EEPD1: variants seen among roughly 807,000 people sequenced by gnomAD.
EEPD1 encodes endonuclease/exonuclease/phosphatase family domain-containing protein 1.
Under a neutral mutation model 46.3 loss-of-function variants are expected in EEPD1, and 17 were observed. That is an observed-to-expected ratio of 0.37 (90% CI 0.25 to 0.55). The LOEUF is 0.55. Ranked by LOEUF, EEPD1 falls within the 20% of genes least tolerant of loss-of-function variation. EEPD1 has a pLI of 0.83. For missense variants in EEPD1, 673 were observed against 745.6 expected (o/e 0.90, Z 1.13); for synonymous variants, 313 against 315.6 (o/e 0.99, Z 0.09).
chr7:36,255,696 G>C (rs974987788), intron 3 of EEPD1, among the ~76,000 whole-genome samples: 1 of 152,074 alleles, frequency 6.6e-6, no homozygotes, highest in African/African-American at 2.4e-5. Flanking sequence ...ATTTTCTATT[G>C]TTTCTATTTG....
intron 2 of EEPD1, among the ~76,000 whole-genome samples, chr7:36,168,799 T>C (rs1020196270): frequency 1.3e-5 from 2 of 150,560 alleles, no homozygotes; most frequent in African/African-American, 4.9e-5. Flanking sequence ...AGTTGTTTCC[T>C]AGCCTTTCTA....
chr7:36,191,982 A>C (rs1693201586), intron 2 of EEPD1, among the ~76,000 whole-genome samples: 1 of 152,162 alleles, frequency 6.6e-6, no homozygotes, highest in Admixed American at 6.5e-5. Context: ...TCTTTAGAAG[A>C]GTCTAAGCCT....
At chr7:36,291,948 C>T (rs1787448318) in intron 6 of EEPD1, among the ~76,000 whole-genome samples, 1 of 152,248 alleles carries the variant, frequency 6.6e-6, no homozygotes, top group Non-Finnish European at 1.5e-5. Flanking sequence ...TACTTCATAA[C>T]TATCCCACTT....
chr7:36,252,829 C>CTTTTTTT (rs71553053), intron 3 of EEPD1, among the ~76,000 whole-genome samples: 2 of 54,896 alleles, frequency 3.6e-5, no homozygotes, highest in Non-Finnish European at 3.1e-5. Flanking sequence ...GTGTTCTCTC[C>CTTTTTTT]TTTTTTTTTT....
chr7:36,211,700 G>A (rs531217716), intron 2 of EEPD1, among the ~76,000 whole-genome samples: 32 of 152,130 alleles, frequency 2.1e-4, no homozygotes, highest in Non-Finnish European at 3.5e-4. Flanking sequence ...CAAGGCGTGC[G>A]GATCAACTGA....
chr7:36,155,111 C>G lies in EEPD1; in HGVS notation c.787C>G (p.Leu263Val), dbSNP rs377390131. 3 of 1,563,356 alleles carry G rather than the reference C, an allele frequency of 1.9e-6. No homozygotes were observed. The highest frequency in any genetic ancestry group is 2.6e-6 in the Non-Finnish European group (3 of 1,155,282). Residue 263 changes from leucine (L) to valine (V), a missense_variant, in exon 2 of 8, where the codon CTG (leucine) becomes GTG (valine). Transcript: ENST00000242108. ...GTRDGRPVLR[L>V]ATWNLQGCSV... ...AAGGGATGGGAGGCCTGTGCTGAGG[C>G]TGGCCACCTGGAACTTGCAGGGCTG...
chr7:36,293,355 G>A (rs562515951), intron 6 of EEPD1, among the ~76,000 whole-genome samples: 65 of 152,274 alleles, frequency 4.3e-4, no homozygotes, highest in Non-Finnish European at 8.8e-4. Flanking sequence ...CCAGGTCTCA[G>A]CAGAGCTCTT....
chr7:36,291,458 A>G (rs1019294084), intron 6 of EEPD1, among the ~76,000 whole-genome samples: 11 of 152,206 alleles, frequency 7.2e-5, no homozygotes, highest in African/African-American at 2.7e-4. Context: ...GGAGATGGTA[A>G]CAGCACCTGC....
chr7:36,245,383 A>C (rs977859691), intron 3 of EEPD1, among the ~76,000 whole-genome samples: 1 of 152,142 alleles, frequency 6.6e-6, no homozygotes. Flanking sequence ...CACCTGCCCT[A>C]CTTACCATCA....
rs772990253 is a variant in EEPD1, at chr7:36,155,118, C to T, written c.794C>T (p.Thr265Ile). 4 of 1,560,842 alleles carry T rather than the reference C, an allele frequency of 2.6e-6. No individual in the cohort carries two copies. The highest frequency in any genetic ancestry group is 1.9e-5 in the Admixed American group (1 of 52,344). The change falls in exon 2 of 8, where the codon ACC becomes ATC. Residue 265 changes from threonine to isoleucine, a missense_variant. Physicochemically the swap from Thr to Ile is moderately conservative, Grantham distance 89. Transcript: ENST00000242108. Reference protein sequence around the residue: ...RDGRPVLRLATWNLQGCSVEK... With the variant: ...RDGRPVLRLAIWNLQGCSVEK... ...GGGAGGCCTGTGCTGAGGCTGGCCA[C>T]CTGGAACTTGCAGGGCTGTTCCGTG...
intron 2 of EEPD1, among the ~76,000 whole-genome samples, chr7:36,186,912 A>C (rs1395868610): frequency 6.6e-6 from 1 of 152,234 alleles, no homozygotes; most frequent in African/African-American, 2.4e-5. Flanking sequence ...TACTGTTACG[A>C]TTGTAAATAT....
At chr7:36,196,547 G>A (rs950635431) in intron 2 of EEPD1, among the ~76,000 whole-genome samples, 1 of 152,190 alleles carries the variant, frequency 6.6e-6, no homozygotes, top group Admixed American at 6.5e-5. Context: ...CAGTGCCTGC[G>A]ATTGCAGGCG....
intron 2 of EEPD1, chr7:36,228,967 T>C (rs1199556326): frequency 6.6e-6 from 1 of 152,282 alleles, no homozygotes; most frequent in African/African-American, 2.4e-5. Context: ...ACACCTTTGC[T>C]CCATGTTCTC....
chr7:36,291,084 G>A lies in EEPD1; in HGVS notation c.1315+3307G>A, dbSNP rs146130811. The stretch of plus-strand genomic sequence containing the variant: ...GGCTCTATTGACCCTTGACACCAGC[G>A]TCTCTCCTGGCTTTAGAATTGTCTT... On this transcript the variant is annotated intron_variant, in intron 6 of 7. Transcript: ENST00000242108. Among the ~76,000 whole-genome samples the A allele has an allele frequency of 3.3e-5, 5 of 152,304 alleles. No homozygotes were observed. The East Asian group carries it at 5.8e-4, about 18-fold the overall frequency.
At chr7:36,198,358 AGAAAG>A (rs1274705635) in intron 2 of EEPD1, among the ~76,000 whole-genome samples, 12 of 105,578 alleles carry the variant, frequency 1.1e-4, no homozygotes, top group Middle Eastern at 5.4e-3. Context: ...AAAAAAAAAA[AGAAAG>A]ATATTTTCCT....
chr7:36,234,770 G>T (rs1786399748), intron 2 of EEPD1, among the ~76,000 whole-genome samples: 1 of 152,174 alleles, frequency 6.6e-6, no homozygotes, highest in Non-Finnish European at 1.5e-5. Context: ...GCGGGTTGCT[G>T]GAGGTGGAGA....
chr7:36,287,693 C>T lies in EEPD1; in HGVS notation c.1231C>T (p.Leu411=). The T allele has an allele frequency of 6.2e-7, 1 of 1,614,174 alleles. No homozygotes were observed. Among genetic ancestry groups the T allele is most frequent in the Non-Finnish European group, 8.5e-7 (1 of 1,180,030 alleles). ...VNLHLAALTL[L]GSENPSKNHS... is the part of the protein sequence containing the mutation. ...CCTTCACCTGGCAGCCCTGACCCTC[C>T]TGGGGAGCGAGAATCCCAGCAAGAA... is the stretch of plus-strand genomic sequence containing the variant. The change falls in exon 6 of 8, where the codon CTG becomes TTG. Residue 411 remains leucine, a synonymous_variant. Transcript: ENST00000242108.
intron 2 of EEPD1, among the ~76,000 whole-genome samples, chr7:36,175,292 G>A (rs540725855): frequency 2.0e-5 from 3 of 152,356 alleles, no homozygotes; most frequent in African/African-American, 4.8e-5. Context: ...CTGCCATGGC[G>A]TGATCATAGC....
At chr7:36,186,165 T>G (rs1041869256) in intron 2 of EEPD1, among the ~76,000 whole-genome samples, 5 of 152,190 alleles carry the variant, frequency 3.3e-5, no homozygotes, top group African/African-American at 9.6e-5. Context: ...TAGACTTTGT[T>G]GGCACTCTGG....
Sources: allele counts gnomAD v4.1 joint callset (sites outside exome capture counted in the v4.1 genomes callset), GRCh38; gene constraint gnomAD v4.1.1; transcripts MANE v1.5; gene names NCBI Gene and HGNC (gene_info 2026-07-23, HGNC 2026-07-21).